Variants in DMD observed in about 807,000 individuals in gnomAD.
The protein encoded by DMD is dystrophin.
Under a neutral mutation model 330.1 loss-of-function variants are expected in DMD, and 63 were observed. That is an observed-to-expected ratio of 0.19 (90% CI 0.16 to 0.24). DMD has a LOEUF of 0.24. Among genes scored for constraint, DMD ranks in the 10% least tolerant of loss-of-function variants. DMD has a pLI of 1.00. For missense variants in DMD, 3,344 were observed against 2,684.1 expected, an observed-to-expected ratio of 1.25 and a Z score of -5.43; for synonymous variants, 1,223 against 959.8, an observed-to-expected ratio of 1.27 and a Z score of -5.07.
chrX:33,198,905 C>T (rs1393442016), intron 1 of DMD, among the ~76,000 whole-genome samples: 7 of 107,437 alleles, frequency 6.5e-5, no homozygotes, highest in Non-Finnish European at 1.2e-4. Flanking sequence ...AAAGGGGAAA[C>T]GGGGAGGTTC....
chrX:32,387,785 T>C (rs2097969888), intron 32 of DMD, among the ~76,000 whole-genome samples: 1 of 111,669 alleles, frequency 9.0e-6, no homozygotes, highest in African/African-American at 3.2e-5. Context: ...AAATCAACGA[T>C]GCTAATTTGG....
At chrX:31,988,472 TCAAAAAAAA>T (rs2095526294) in intron 44 of DMD, among the ~76,000 whole-genome samples, 1 of 11,449 alleles carries the variant, frequency 8.7e-5, no homozygotes, top group African/African-American at 4.7e-4. Context: ...AGACTCCATC[TCAAAAAAAA>T]AAAAAAAAAA....
At chrX:32,902,888 G>A (rs2086391008) in intron 2 of DMD, among the ~76,000 whole-genome samples, 2 of 109,995 alleles carry the variant, frequency 1.8e-5, no homozygotes, top group Non-Finnish European at 3.8e-5. Flanking sequence ...CAGGTGCGGT[G>A]GTTCACACCT....
At chrX:32,445,164 ATCT>A (rs1237285385) in intron 27 of DMD, among the ~76,000 whole-genome samples, 9 of 111,491 alleles carry the variant, frequency 8.1e-5, no homozygotes, top group Non-Finnish European at 1.7e-4. Flanking sequence ...AGCCTAGGAG[ATCT>A]TTTTTGGGGG....
At chrX:32,694,670 T>C (rs973747808) in intron 9 of DMD, among the ~76,000 whole-genome samples, 5 of 111,766 alleles carry the variant, frequency 4.5e-5, no homozygotes, top group Admixed American at 3.8e-4. Flanking sequence ...ATTTATGTAT[T>C]TTTGAGACAG....
At chrX:32,145,036 A>G (rs902756717) in intron 44 of DMD, among the ~76,000 whole-genome samples, 10 of 111,961 alleles carry the variant, frequency 8.9e-5, no homozygotes, top group African/African-American at 3.2e-4. Flanking sequence ...CACCGTCTCA[A>G]TGAATCAGTC....
At chrX:33,020,331 T>C (rs1285239639) in intron 1 of DMD, 131 bp from the exon 2 acceptor site, 2 of 483,235 alleles carry the variant, frequency 4.1e-6, no homozygotes, top group Non-Finnish European at 7.0e-6. Flanking sequence ...CATTGATAAA[T>C]GGAATTAAAC....
intron 62 of DMD, 133 bp from the exon 63 acceptor site, chrX:31,261,149 T>G: frequency 5.8e-5 from 30 of 513,775 alleles, no homozygotes; most frequent in Middle Eastern, 4.2e-4. Context: ...TTCAAAGCGC[T>G]TCCATAGTGT....
At chrX:32,938,670 A>C (rs113500556) in intron 2 of DMD, among the ~76,000 whole-genome samples, 343 of 111,734 alleles carry the variant, frequency 3.1e-3, no homozygotes, top group African/African-American at 0.01. Flanking sequence ...CTACTTGGAT[A>C]ATTGAAAAGT....
chrX:31,829,352 C>T (rs923742596), intron 49 of DMD, among the ~76,000 whole-genome samples: 9 of 110,203 alleles, frequency 8.2e-5, no homozygotes, highest in Non-Finnish European at 3.8e-5. Context: ...AACCAAAAAC[C>T]ACCTATACCC....
intron 47 of DMD, among the ~76,000 whole-genome samples, chrX:31,886,873 T>C (rs1186534277): frequency 8.9e-6 from 1 of 112,102 alleles, no homozygotes; most frequent in Non-Finnish European, 1.9e-5. Flanking sequence ...AAAAAGAAAA[T>C]CATTATTTTA....
At chrX:33,027,775 A>G (rs2094031058) in intron 1 of DMD, among the ~76,000 whole-genome samples, 1 of 112,006 alleles carries the variant, frequency 8.9e-6, no homozygotes, top group Non-Finnish European at 1.9e-5. Context: ...AGCTTCCTTG[A>G]TGAAGTGACA....
chrX:31,445,217 T>C lies in DMD; in HGVS notation c.8938-590A>G, dbSNP rs1050195188. ...TGCCATGATGAGCTCTATTCATACA[T>C]AAACTGATTTTATTTCTACCCAACA... On this transcript the variant is annotated intron_variant, in intron 59 of 78. Transcript: ENST00000357033. 3.6e-5 allele frequency among the ~76,000 whole-genome samples: 4 copies of C among 111,735 alleles called. No homozygotes were observed. In the Admixed American group the frequency reaches 3.8e-4, roughly 11 times the overall value.
intron 44 of DMD, among the ~76,000 whole-genome samples, chrX:32,021,035 T>C (rs1035292251): frequency 1.8e-5 from 2 of 112,417 alleles, no homozygotes; most frequent in Non-Finnish European, 3.8e-5. Context: ...TATGTGTGCA[T>C]ACCCTATGAC....
At chrX:32,027,223 G>GGAGAGA (rs768325497) in intron 44 of DMD, among the ~76,000 whole-genome samples, 1 of 105,952 alleles carries the variant, frequency 9.4e-6, no homozygotes, top group African/African-American at 3.5e-5. Flanking sequence ...GGAAGGCTGG[G>GGAGAGA]GAGAGAGAGA....
intron 9 of DMD, among the ~76,000 whole-genome samples, chrX:32,653,121 T>C (rs1368079888): frequency 4.5e-5 from 5 of 112,207 alleles, no homozygotes; most frequent in African/African-American, 9.7e-5. Context: ...CTGTTCACTA[T>C]GATGGTAGTT....
At chrX:32,576,513 G>A (rs1452365097) in intron 13 of DMD, among the ~76,000 whole-genome samples, 2 of 110,693 alleles carry the variant, frequency 1.8e-5, no homozygotes, top group Non-Finnish European at 3.8e-5. Flanking sequence ...AGTAATGGGC[G>A]GGTAACATTG....
intron 7 of DMD, among the ~76,000 whole-genome samples, chrX:32,742,484 G>A (rs1236044375): frequency 9.0e-6 from 1 of 111,258 alleles, no homozygotes; most frequent in East Asian, 2.9e-4. Context: ...GAGGAAAAAT[G>A]CGAGGTAGAG....
intron 49 of DMD, among the ~76,000 whole-genome samples, chrX:31,835,811 G>A (rs1189169183): frequency 1.8e-5 from 2 of 111,670 alleles, no homozygotes; most frequent in African/African-American, 6.5e-5. Context: ...GTATAATGAG[G>A]TTATTGACCT....
Sources: allele counts gnomAD v4.1 joint callset (sites outside exome capture counted in the v4.1 genomes callset), GRCh38; gene constraint gnomAD v4.1.1; transcripts MANE v1.5; gene names NCBI Gene and HGNC (gene_info 2026-07-23, HGNC 2026-07-21).